USP47: variants seen among roughly 807,000 people sequenced by gnomAD.
The protein encoded by USP47 is ubiquitin specific peptidase 47, also known as ubiquitin carboxyl-terminal hydrolase 47.
Under a neutral mutation model 165.1 loss-of-function variants are expected in USP47, and 35 were observed. That is an observed-to-expected ratio of 0.21 (90% CI 0.16 to 0.28). USP47 has a LOEUF of 0.28. Ranked by LOEUF, USP47 falls within the 10% of genes least tolerant of loss-of-function variation. USP47 has a pLI of 1.00. For synonymous variants in USP47, 531 were observed against 544.5 expected (o/e 0.98, Z 0.35); for missense variants, 1,277 against 1,607.4 (o/e 0.79, Z 3.52).
At chr11:11,863,305 A>T (rs1237981023) in intron 1 of USP47, among the ~76,000 whole-genome samples, 2 of 152,214 alleles carry the variant, frequency 1.3e-5, no homozygotes, top group African/African-American at 4.8e-5. Context: ...AAGCAATTTG[A>T]TGCTCAAAAA....
intron 20 of USP47, among the ~76,000 whole-genome samples, chr11:11,945,822 C>G (rs1368747086): frequency 1.3e-5 from 2 of 151,646 alleles, no homozygotes; most frequent in Non-Finnish European, 2.9e-5. Flanking sequence ...GTAGTTCTAG[C>G]TACTTCGGAG....
chr11:11,947,890 C>T, intron 20 of USP47, 55 bp from the exon 21 acceptor site: 1 of 1,532,106 alleles, frequency 6.5e-7, no homozygotes. Context: ...TTTATTTATA[C>T]TCAGAGGTTT....
chr11:11,868,124 CAG>C (rs1254415679), intron 1 of USP47, among the ~76,000 whole-genome samples: 1 of 151,988 alleles, frequency 6.6e-6, no homozygotes, highest in African/African-American at 2.4e-5. Flanking sequence ...AGAAATAAAA[CAG>C]ATATCTCATG....
chr11:11,938,834 G>T (rs1341802163), intron 18 of USP47, among the ~76,000 whole-genome samples: 1 of 151,968 alleles, frequency 6.6e-6, no homozygotes, highest in Non-Finnish European at 1.5e-5. Context: ...AAGTGCAGTT[G>T]TATGACTGGA....
chr11:11,854,523 CT>C lies in USP47; in HGVS notation c.39+12301del, dbSNP rs1246713177. Among the ~76,000 whole-genome samples, 11 of 147,596 alleles carry C rather than the reference CT, an allele frequency of 7.5e-5. 1 individual carries two copies. The South Asian group carries it at 1.1e-3, about 15-fold the overall frequency. On this transcript the variant is annotated intron_variant, in intron 1 of 27. Coordinates refer to ENST00000527733, the MANE Select transcript of USP47 (RefSeq NM_001282659.2). ...ATCAATAGATATTAGCTATTACCAC[CT>C]TCTGTTACTACCATCATTTCTATCA... is the stretch of plus-strand genomic sequence containing the variant.
intron 5 of USP47, among the ~76,000 whole-genome samples, chr11:11,902,448 A>G (rs1160813896): frequency 1.3e-5 from 2 of 152,192 alleles, no homozygotes; most frequent in African/African-American, 2.4e-5. Context: ...CAGGTTCCAC[A>G]GTTAAATGAG....
At chr11:11,949,613 T>C (rs945690300) in intron 22 of USP47, among the ~76,000 whole-genome samples, 2 of 152,222 alleles carry the variant, frequency 1.3e-5, no homozygotes, top group Admixed American at 6.5e-5. Flanking sequence ...AGAAGGAAAA[T>C]ACAAGTGTGT....
chr11:11,853,410 T>C (rs1334724581), intron 1 of USP47, among the ~76,000 whole-genome samples: 1 of 152,190 alleles, frequency 6.6e-6, no homozygotes, highest in Admixed American at 6.5e-5. Context: ...CATTCTCCAT[T>C]GTGGAAAAGT....
intron 4 of USP47, among the ~76,000 whole-genome samples, chr11:11,894,906 A>G (rs1214150444): frequency 1.3e-5 from 2 of 149,806 alleles, no homozygotes; most frequent in South Asian, 2.1e-4. Flanking sequence ...TTTTTATCTT[A>G]TCTTTCCTCT....
chr11:11,911,570 T>C (rs566611134), intron 8 of USP47, among the ~76,000 whole-genome samples: 1 of 151,588 alleles, frequency 6.6e-6, no homozygotes, highest in African/African-American at 2.4e-5. Context: ...CAATCCTAAA[T>C]GTGTATGCAG....
Position 11,956,206 on chromosome 11 carries a change from G to A in USP47, c.*31G>A, listed in dbSNP as rs749227286. The A allele has an allele frequency of 1.9e-6, 3 of 1,610,902 alleles. No homozygotes were observed. In the South Asian group the frequency reaches 3.3e-5, roughly 18 times the overall value. ...ATAGTGTAGCATTTTCCCTGGGGGA[G>A]TTTTGGTTTTAATTAGATGGTTCAC... On this transcript the variant is annotated 3_prime_UTR_variant, in exon 28 of 28. Coordinates refer to ENST00000527733, the MANE Select transcript of USP47 (RefSeq NM_001282659.2).
Position 11,956,313 on chromosome 11 carries a change from A to C in USP47, c.*138A>C. 1 of 787,156 alleles carries C rather than the reference A, an allele frequency of 1.3e-6. No homozygotes were observed. Among genetic ancestry groups the C allele is most frequent in the South Asian group, 2.2e-5 (1 of 45,682 alleles). The allele number at this position is 787,156 out of a possible 1,614,324, so 48.8% of individuals were successfully genotyped here. A position where few individuals can be genotyped will look rare whatever the true frequency, so the allele number is the denominator to read the frequency against. On this transcript the variant is annotated 3_prime_UTR_variant, in exon 28 of 28. Transcript: ENST00000527733. ...GCACTGATTGGACTGCCCTACACCAATCAGAAGCTCAGTGCCCAATGGGCC... is the reference window on the plus strand; with the variant it reads ...GCACTGATTGGACTGCCCTACACCACTCAGAAGCTCAGTGCCCAATGGGCC...
At position 11,923,041 on chromosome 11, in the gene USP47, CATATATATATATATATATAT is replaced by C. The variant is rs56976706; in HGVS notation, c.1386+175_1386+194del. The C allele has an allele frequency of 4.7e-3, 654 of 140,072 alleles. 7 individuals carry two copies. Among genetic ancestry groups the C allele is most frequent in the East Asian group, 0.013 (64 of 4,980 alleles). 8.7% of individuals were successfully genotyped at this position (140,072 alleles called of 1,614,324 possible). On this transcript the variant is annotated intron_variant, in intron 11 of 27. Transcript: ENST00000527733. Reference sequence around the variant, plus strand: ...ACTTCTCAAATATAGTTTTTTTGTACATATATATATATATATATATATATATATATATATATATATATATG... The same window carrying C: ...ACTTCTCAAATATAGTTTTTTTGTACATATATATATATATATATATATATG...
At chr11:11,866,801 A>G (rs1849710514) in intron 1 of USP47, among the ~76,000 whole-genome samples, 1 of 152,044 alleles carries the variant, frequency 6.6e-6, no homozygotes, top group South Asian at 2.1e-4. Context: ...CTTATGGCCC[A>G]CACTTTTTCC....
At chr11:11,865,819 C>A (rs2134216822) in intron 1 of USP47, among the ~76,000 whole-genome samples, 1 of 152,082 alleles carries the variant, frequency 6.6e-6, no homozygotes, top group East Asian at 1.9e-4. Flanking sequence ...GCTATTTTTA[C>A]ATATTCTTTG....
intron 1 of USP47, among the ~76,000 whole-genome samples, chr11:11,876,354 A>G (rs979902092): frequency 6.6e-6 from 1 of 152,210 alleles, no homozygotes; most frequent in Non-Finnish European, 1.5e-5. Context: ...AATGAAAAGT[A>G]GTACCTTTCC....
chr11:11,919,176 C>T (rs2134586477), intron 8 of USP47, among the ~76,000 whole-genome samples: 1 of 151,988 alleles, frequency 6.6e-6, no homozygotes, highest in Non-Finnish European at 1.5e-5. Flanking sequence ...AATATGTGGA[C>T]AGTAGTTTTC....
intron 11 of USP47, 85 bp downstream of exon 11, chr11:11,922,976 AAAGTT>A: frequency 7.9e-7 from 1 of 1,258,468 alleles, no homozygotes; most frequent in Non-Finnish European, 1.1e-6. Flanking sequence ...TGTGACTGAT[AAAGTT>A]ATCTTTAAAA....
chr11:11,892,138 G>A (rs754471393), intron 4 of USP47, 32 bp downstream of exon 4: 3 of 1,600,056 alleles, frequency 1.9e-6, no homozygotes, highest in Middle Eastern at 1.7e-4. Flanking sequence ...TAAAATCATA[G>A]GGCATTAGAT....
Sources: allele counts gnomAD v4.1 joint callset (sites outside exome capture counted in the v4.1 genomes callset), GRCh38; gene constraint gnomAD v4.1.1; transcripts MANE v1.5; gene names NCBI Gene and HGNC (gene_info 2026-07-23, HGNC 2026-07-21).